The following RBM33 variants were observed in gnomAD, a reference collection of about 807,000 sequenced individuals.
RBM33 encodes RNA binding motif protein 33, also known as RNA-binding protein 33.
In RBM33, 28 loss-of-function variants were observed where a neutral mutation model predicts 132.6. The observed-to-expected ratio is 0.21, with a 90% CI of 0.16 to 0.29. RBM33 has a LOEUF of 0.29. RBM33 is among the 10% of genes least tolerant of loss of function. The pLI is 1.00. For synonymous variants in RBM33, 634 were observed against 593.0 expected (o/e 1.07, Z -1.01); for missense variants, 1,291 against 1,518.5 (o/e 0.85, Z 2.49).
intron 2 of RBM33, among the ~76,000 whole-genome samples, chr7:155,670,811 C>T (rs1297228192): frequency 6.6e-6 from 1 of 152,302 alleles, no homozygotes; most frequent in East Asian, 1.9e-4. Context: ...TCTCATTAGT[C>T]ATGAAACAAG....
chr7:155,747,520 A>G (rs974076246), intron 14 of RBM33, among the ~76,000 whole-genome samples: 1 of 152,190 alleles, frequency 6.6e-6, no homozygotes, highest in African/African-American at 2.4e-5. Flanking sequence ...CAGCTTTTAC[A>G]CTCATAAACA....
intron 5 of RBM33, among the ~76,000 whole-genome samples, chr7:155,690,413 C>T (rs186678165): frequency 2.0e-5 from 3 of 152,228 alleles, no homozygotes; most frequent in Non-Finnish European, 4.4e-5. Flanking sequence ...GGGGTCTTGA[C>T]TCTACCCCGT....
intron 9 of RBM33, among the ~76,000 whole-genome samples, chr7:155,731,649 T>C (rs2117013642): frequency 6.6e-6 from 1 of 152,104 alleles, no homozygotes; most frequent in African/African-American, 2.4e-5. Flanking sequence ...TTCATCATGC[T>C]ACTCAGAAAG....
intron 5 of RBM33, among the ~76,000 whole-genome samples, chr7:155,681,154 A>G (rs928815237): frequency 1.3e-5 from 2 of 152,220 alleles, no homozygotes; most frequent in Non-Finnish European, 2.9e-5. Flanking sequence ...ATTGTACCCT[A>G]AGGAAGAAAA....
chr7:155,655,034 A>T (rs1289129418), intron 1 of RBM33, among the ~76,000 whole-genome samples: 2 of 152,234 alleles, frequency 1.3e-5, no homozygotes, highest in Non-Finnish European at 1.5e-5. Flanking sequence ...TAATCAAGCT[A>T]TTACTCTAAT....
At chr7:155,701,446 T>C (rs934146740) in intron 6 of RBM33, 32 of 161,602 alleles carry the variant, frequency 2.0e-4, no homozygotes. Context: ...ATAATCACTC[T>C]GAGCAAAGCT....
intron 3 of RBM33, among the ~76,000 whole-genome samples, chr7:155,676,523 A>G (rs1799187859): frequency 6.6e-6 from 1 of 152,060 alleles, no homozygotes; most frequent in African/African-American, 2.4e-5. Context: ...TGTTCTTGGG[A>G]GTATTGGAGA....
chr7:155,721,587 G>T (rs901516142), intron 9 of RBM33, among the ~76,000 whole-genome samples: 2 of 151,842 alleles, frequency 1.3e-5, no homozygotes, highest in Non-Finnish European at 2.9e-5. Flanking sequence ...AATTTTAAAG[G>T]CTGTATGATA....
intron 1 of RBM33, among the ~76,000 whole-genome samples, chr7:155,649,611 C>T (rs896913566): frequency 6.6e-6 from 1 of 152,088 alleles, no homozygotes; most frequent in Admixed American, 6.5e-5. Context: ...GAATGTCCCC[C>T]CCCTTTTCTG....
At chr7:155,672,243 G>A (rs185302593) in intron 2 of RBM33, among the ~76,000 whole-genome samples, 67 of 152,014 alleles carry the variant, frequency 4.4e-4, no homozygotes, top group African/African-American at 1.5e-3. Flanking sequence ...GCTTAGATAT[G>A]ACTTACTATA....
chr7:155,734,503 T>A (rs557856375), intron 9 of RBM33, among the ~76,000 whole-genome samples: 2 of 152,368 alleles, frequency 1.3e-5, no homozygotes, highest in South Asian at 2.1e-4. Context: ...CATTTTTCAT[T>A]TGAAGAGTTT....
chr7:155,661,329 GGTTTCACCAT>G (rs1798644394), intron 1 of RBM33, among the ~76,000 whole-genome samples: 3 of 150,102 alleles, frequency 2.0e-5, no homozygotes, highest in Admixed American at 2.0e-4. Flanking sequence ...AGTAGAGACA[GGTTTCACCAT>G]GTTGGCCAGC....
At chr7:155,715,414 T>C (rs932845708) in intron 8 of RBM33, among the ~76,000 whole-genome samples, 4 of 152,148 alleles carry the variant, frequency 2.6e-5, no homozygotes, top group African/African-American at 9.7e-5. Context: ...CTTAGAAATA[T>C]AGGGTGGTAA....
intron 5 of RBM33, among the ~76,000 whole-genome samples, chr7:155,695,263 T>G (rs1236699721): frequency 6.6e-6 from 1 of 152,192 alleles, no homozygotes; most frequent in Non-Finnish European, 1.5e-5. Context: ...ATCCTATATA[T>G]TTTTCATAGG....
chr7:155,745,738 G>C lies in RBM33; in HGVS notation c.2979+136G>C. On this transcript the variant is annotated intron_variant, in intron 14 of 17. Coordinates refer to ENST00000401878, the MANE Select transcript of RBM33 (RefSeq NM_053043.3). This position sits in a 1 kb window ranked among gnomAD's most constrained non-coding sequence, Gnocchi z 4.1. The stretch of plus-strand genomic sequence containing the variant: ...TCTTGTAACCAATCTCTACCTACTT[G>C]AAGTTGGTATAAGAATTGCCGCTTG... 2 of 873,058 alleles carry C rather than the reference G, an allele frequency of 2.3e-6. No homozygotes were observed. The highest frequency in any genetic ancestry group is 3.5e-6 in the Non-Finnish European group (2 of 579,356). 54.1% of individuals were successfully genotyped at this position (873,058 alleles called of 1,614,324 possible).
chr7:155,673,787 CACACACACA>C (rs1563138121), intron 3 of RBM33, among the ~76,000 whole-genome samples: 10 of 149,284 alleles, frequency 6.7e-5, no homozygotes, highest in African/African-American at 2.5e-4. Context: ...CACACACACA[CACACACACA>C]CACACCCCTA....
intron 12 of RBM33, among the ~76,000 whole-genome samples, chr7:155,740,388 T>G (rs942142242): frequency 6.6e-6 from 1 of 152,246 alleles, no homozygotes; most frequent in Non-Finnish European, 1.5e-5. Context: ...TATTTTTTGA[T>G]GTATAGATTA....
At position 155,740,037 on chromosome 7, in the gene RBM33, AG is replaced by A; in HGVS notation, c.2049+15del. On this transcript the variant is annotated intron_variant, in intron 12 of 17. Transcript: ENST00000401878. ...CAGGGGCTCCGGCATGTAAGTGTCA[AG>A]GGGTGTCTTCCCTGTGTCTTCCTGG... 6.6e-7 allele frequency: 1 copy of A among 1,524,794 alleles called. No homozygotes were observed. Among genetic ancestry groups the A allele is most frequent in the Non-Finnish European group, 8.9e-7 (1 of 1,129,874 alleles). The allele number at this position is 1,524,794 out of a possible 1,614,324, so 94.5% of individuals were successfully genotyped here.
At chr7:155,741,668 A>G in intron 12 of RBM33, 151 bp from the exon 13 acceptor site, 1 of 727,690 alleles carries the variant, frequency 1.4e-6, no homozygotes, top group Non-Finnish European at 2.3e-6. Flanking sequence ...ATGTATGAGA[A>G]AAAAAGTATG....
Sources: gnomAD v4.1 joint callset for allele counts (sites outside exome capture counted in the v4.1 genomes callset) on GRCh38, gnomAD v4.1.1 for gene constraint, Gnocchi (gnomAD v3.1) non-coding constraint, MANE v1.5 for transcripts, NCBI Gene and HGNC (gene_info 2026-07-23, HGNC 2026-07-21) for gene names.